PID1: variants seen among roughly 807,000 people sequenced by gnomAD.
The protein encoded by PID1 is PTB-containing, cubilin and LRP1-interacting protein.
Under a neutral mutation model 19.1 loss-of-function variants are expected in PID1, and 10 were observed. The ratio of observed to expected loss-of-function variants is 0.52; its 90% CI spans 0.32 to 0.89. The LOEUF (loss-of-function observed/expected upper bound fraction) is 0.89, where lower values mean the gene tolerates loss of function less well. PID1 is among the 40% of genes least tolerant of loss of function. The pLI, the probability that PID1 is intolerant of heterozygous loss-of-function variation, is 0.03. For missense variants in PID1, 248 were observed against 285.3 expected, an observed-to-expected ratio of 0.87 and a Z score of 0.94; for synonymous variants, 130 against 116.0, an observed-to-expected ratio of 1.12 and a Z score of -0.78.
At chr2:229,216,654 T>G (rs770849148) in intron 1 of PID1, among the ~76,000 whole-genome samples, 1 of 152,062 alleles carries the variant, frequency 6.6e-6, no homozygotes, top group Non-Finnish European at 1.5e-5. Flanking sequence ...CTATACAGGT[T>G]TTTACAAAGT....
chr2:229,173,319 C>T (rs376733295), intron 1 of PID1, among the ~76,000 whole-genome samples: 3 of 152,124 alleles, frequency 2.0e-5, no homozygotes, highest in African/African-American at 4.8e-5. Flanking sequence ...ATAAGCAGTT[C>T]GGGCTACTCC....
chr2:229,214,125 T>C (rs1412807439), intron 1 of PID1, among the ~76,000 whole-genome samples: 1 of 152,198 alleles, frequency 6.6e-6, no homozygotes, highest in Non-Finnish European at 1.5e-5. Flanking sequence ...CTAAGTAGTG[T>C]TTGTTAGGTA....
At chr2:229,046,288 C>T (rs1693875520) in intron 2 of PID1, among the ~76,000 whole-genome samples, 1 of 151,538 alleles carries the variant, frequency 6.6e-6, no homozygotes, top group African/African-American at 2.4e-5. Context: ...TCTTTTCCTC[C>T]AAGGTTTTCT....
intron 2 of PID1, among the ~76,000 whole-genome samples, chr2:229,045,639 G>A (rs1035286471): frequency 6.6e-6 from 1 of 152,240 alleles, no homozygotes; most frequent in African/African-American, 2.4e-5. Flanking sequence ...AGTGAGCAGT[G>A]CCTTGCATGG....
chr2:229,060,403 T>C (rs1487434610), intron 2 of PID1, among the ~76,000 whole-genome samples: 1 of 152,112 alleles, frequency 6.6e-6, no homozygotes. Context: ...TAAGCACTTC[T>C]CATAATGTTC....
At chr2:229,174,506 C>T (rs1464747399) in intron 1 of PID1, among the ~76,000 whole-genome samples, 2 of 152,210 alleles carry the variant, frequency 1.3e-5, no homozygotes, top group South Asian at 2.1e-4. Flanking sequence ...GAGAGGACTA[C>T]AGATCTGGGC....
intron 2 of PID1, among the ~76,000 whole-genome samples, chr2:229,034,112 A>AT (rs1693611097): frequency 6.6e-6 from 1 of 152,194 alleles, no homozygotes; most frequent in Non-Finnish European, 1.5e-5. Flanking sequence ...ACAAGCTTTA[A>AT]GCCACGAAGA....
chr2:229,188,246 G>C, intron 1 of PID1, among the ~76,000 whole-genome samples: 1 of 151,518 alleles, frequency 6.6e-6, no homozygotes, highest in East Asian at 2.0e-4. Context: ...ATTTCTTGGT[G>C]GTCAGCTATG....
At chr2:229,223,777 C>T (rs1471641248) in intron 1 of PID1, among the ~76,000 whole-genome samples, 1 of 152,174 alleles carries the variant, frequency 6.6e-6, no homozygotes, top group Non-Finnish European at 1.5e-5. Flanking sequence ...GACAAACACT[C>T]TCTATTTTTC....
intron 2 of PID1, among the ~76,000 whole-genome samples, chr2:229,030,980 G>A (rs546664313): frequency 6.6e-5 from 10 of 151,780 alleles, no homozygotes; most frequent in African/African-American, 2.2e-4. Context: ...CACTTTGGGA[G>A]GCCAAGGTGG....
At chr2:229,039,705 C>T (rs754760912) in intron 2 of PID1, among the ~76,000 whole-genome samples, 5 of 152,066 alleles carry the variant, frequency 3.3e-5, no homozygotes, top group Non-Finnish European at 7.4e-5. Context: ...CACTGAGATA[C>T]CTCTCTCACC....
intron 1 of PID1, chr2:229,244,775 T>G (rs1274053552): frequency 2.6e-5 from 4 of 152,150 alleles, no homozygotes; most frequent in Non-Finnish European, 5.9e-5. Context: ...CCTTTCCCAT[T>G]TCCTTATTGA....
intron 1 of PID1, among the ~76,000 whole-genome samples, chr2:229,266,639 C>T (rs1158968669): frequency 1.3e-5 from 2 of 152,208 alleles, no homozygotes; most frequent in Admixed American, 6.5e-5. Flanking sequence ...AGGATTGGAA[C>T]CAAACTGTCT....
chr2:229,208,670 A>G (rs537944513), intron 1 of PID1, among the ~76,000 whole-genome samples: 57 of 152,204 alleles, frequency 3.7e-4, no homozygotes, highest in African/African-American at 1.3e-3. Context: ...TTGTAATTCT[A>G]TAAACTCATT....
At chr2:229,131,468 TG>T (rs1446577103) in intron 2 of PID1, among the ~76,000 whole-genome samples, 1 of 152,170 alleles carries the variant, frequency 6.6e-6, no homozygotes, top group Non-Finnish European at 1.5e-5. Context: ...TGACCTCAGG[TG>T]ATCCACCCAT....
Position 229,265,137 on chromosome 2 carries a change from T to C in PID1, c.30+5877A>G, listed in dbSNP as rs185559645. Among the ~76,000 whole-genome samples, 945 of 152,314 alleles carry C rather than the reference T, an allele frequency of 6.2e-3. 6 individuals are homozygous for C. The highest frequency in any genetic ancestry group is 0.01 in the Middle Eastern group (3 of 294). On this transcript the variant is annotated intron_variant, in intron 1 of 2. Coordinates refer to ENST00000392055, the MANE Select transcript of PID1 (RefSeq NM_001100818.2). ...ATAAAGAGACAGATATGCTTTTTTT[T>C]CGTTATTTTTTTTTTACCCAAATGA...
chr2:229,121,974 C>A (rs1437869730), intron 2 of PID1, among the ~76,000 whole-genome samples: 2 of 152,012 alleles, frequency 1.3e-5, no homozygotes, highest in Non-Finnish European at 2.9e-5. Context: ...ACAGGGTGAT[C>A]AGAGAAGAAG....
chr2:229,069,017 A>G (rs547479011), intron 2 of PID1, among the ~76,000 whole-genome samples: 2 of 152,140 alleles, frequency 1.3e-5, no homozygotes, highest in African/African-American at 4.8e-5. Flanking sequence ...TCTCTCTTTG[A>G]GGAAGAATAT....
chr2:229,043,315 C>A (rs1693810657), intron 2 of PID1, among the ~76,000 whole-genome samples: 1 of 151,780 alleles, frequency 6.6e-6, no homozygotes, highest in African/African-American at 2.4e-5. Flanking sequence ...TGAGAAATTT[C>A]TTTTTAAGAA....
Sources: allele counts gnomAD v4.1 joint callset (sites outside exome capture counted in the v4.1 genomes callset), GRCh38; gene constraint gnomAD v4.1.1; transcripts MANE v1.5; gene names NCBI Gene and HGNC (gene_info 2026-07-23, HGNC 2026-07-21).